The following CCDC63 variants were observed in gnomAD, a reference collection of about 807,000 sequenced individuals.
CCDC63 encodes the protein coiled-coil domain containing 63, also known as coiled-coil domain-containing protein 63.
A neutral mutation model predicts 63.6 loss-of-function variants in CCDC63; 54 were observed. That is an observed-to-expected ratio of 0.85 (90% CI 0.68 to 1.07). CCDC63 has a LOEUF of 1.07. Ranked by LOEUF, CCDC63 falls within the 50% of genes least tolerant of loss-of-function variation. CCDC63 has a pLI of 0.00. For missense variants in CCDC63, 637 were observed against 689.6 expected (o/e 0.92, Z 0.86); for synonymous variants, 253 against 266.1 (o/e 0.95, Z 0.48).
chr12:110,885,600 G>A (rs191259539), intron 8 of CCDC63, among the ~76,000 whole-genome samples: 13 of 151,890 alleles, frequency 8.6e-5, no homozygotes, highest in Middle Eastern at 3.4e-3. Context: ...ATTTCCCTCC[G>A]CCACTGCCTT....
chr12:110,898,909 G>A (rs749141071), intron 9 of CCDC63, 24 bp from the exon 10 acceptor site: 3 of 1,554,162 alleles, frequency 1.9e-6, no homozygotes, highest in Non-Finnish European at 2.6e-6. Flanking sequence ...TCCTGAGCAG[G>A]TGGGAATTGG....
At chr12:110,884,279 TG>T in intron 8 of CCDC63, 29 bp downstream of exon 8, 1 of 1,573,966 alleles carries the variant, frequency 6.4e-7, no homozygotes, top group Non-Finnish European at 8.7e-7. Flanking sequence ...TCCCAGGCCC[TG>T]GGCCCCTGTG....
At chr12:110,884,277 C>T in intron 8 of CCDC63, 27 bp downstream of exon 8, 1 of 1,583,110 alleles carries the variant, frequency 6.3e-7, no homozygotes, top group East Asian at 2.2e-5. Flanking sequence ...TTTCCCAGGC[C>T]CTGGGCCCCT....
chr12:110,895,474 T>C (rs897818641), intron 9 of CCDC63, among the ~76,000 whole-genome samples: 1 of 152,208 alleles, frequency 6.6e-6, no homozygotes, highest in Non-Finnish European at 1.5e-5. Context: ...TAAAGATCAC[T>C]TCCACCTGCT....
chr12:110,875,154 G>A (rs1400694828), intron 5 of CCDC63, among the ~76,000 whole-genome samples: 1 of 152,160 alleles, frequency 6.6e-6, no homozygotes, highest in Non-Finnish European at 1.5e-5. Context: ...ACTGGGCAGT[G>A]TCTTTTTAAT....
At chr12:110,885,820 A>G (rs948389026) in intron 8 of CCDC63, among the ~76,000 whole-genome samples, 5 of 152,224 alleles carry the variant, frequency 3.3e-5, no homozygotes, top group Admixed American at 2.6e-4. Context: ...GGCCATGTGC[A>G]AACAGATTGC....
chr12:110,879,664 A>G (rs963722868), intron 5 of CCDC63, among the ~76,000 whole-genome samples: 8 of 152,138 alleles, frequency 5.3e-5, no homozygotes, highest in South Asian at 4.1e-4. Context: ...ACTTAGGTCT[A>G]AAAGTAGTTG....
intron 5 of CCDC63, among the ~76,000 whole-genome samples, 200 bp from the exon 6 acceptor site, chr12:110,879,706 C>A (rs982629381): frequency 2.0e-5 from 3 of 152,048 alleles, no homozygotes; most frequent in Non-Finnish European, 4.4e-5. Context: ...AAAAAGGATC[C>A]ACTAAAGGGC....
In CCDC63 at chr12:110,853,458, G is replaced by C; in HGVS notation, c.63G>C (p.Lys21Asn). 3 of 1,614,116 alleles carry C rather than the reference G, an allele frequency of 1.9e-6. No homozygotes were observed. Among genetic ancestry groups the C allele is most frequent in the Non-Finnish European group, 2.5e-6 (3 of 1,180,012 alleles). The change falls in exon 3 of 12, where the codon AAG becomes AAC. Residue 21 changes from lysine to asparagine, a missense_variant. Physicochemically the swap from Lys to Asn is moderately conservative, Grantham distance 94. Coordinates refer to ENST00000308208, the MANE Select transcript of CCDC63 (RefSeq NM_152591.3). ...DSDTPQEPSE[K>N]AKEQQAEAEL... ...ACACTCCCCAGGAACCTTCGGAGAA[G>C]GCCAAAGAGCAGCAGGCGGAGGCAG... is the stretch of plus-strand genomic sequence containing the variant.
intron 1 of CCDC63, among the ~76,000 whole-genome samples, chr12:110,847,766 C>G (rs1241195414): frequency 6.6e-6 from 1 of 152,236 alleles, no homozygotes; most frequent in Non-Finnish European, 1.5e-5. Context: ...ATATGATCCA[C>G]ATAGCTGCCT....
Position 110,900,803 on chromosome 12 carries a change from T to A in CCDC63, c.1342+1678T>A, listed in dbSNP as rs576386062. On this transcript the variant is annotated intron_variant, in intron 10 of 11. Transcript: ENST00000308208. The stretch of plus-strand genomic sequence containing the variant: ...TTAGTAGAGATGGGGTTTCACCATG[T>A]TGGCCAGGATGGTCTCGATCTCCTG... Among the ~76,000 whole-genome samples, 311 of 152,286 alleles carry A rather than the reference T, an allele frequency of 2.0e-3. 2 individuals carry two copies. Among genetic ancestry groups the A allele is most frequent in the African/African-American group, 7.0e-3 (291 of 41,560 alleles).
intron 8 of CCDC63, among the ~76,000 whole-genome samples, chr12:110,892,801 G>A (rs1341677214): frequency 1.4e-5 from 2 of 148,062 alleles, no homozygotes; most frequent in Non-Finnish European, 3.0e-5. Context: ...CCTAGGCATC[G>A]CAGCGAGACT....
At chr12:110,852,324 C>T (rs980077093) in intron 1 of CCDC63, among the ~76,000 whole-genome samples, 1 of 152,044 alleles carries the variant, frequency 6.6e-6, no homozygotes, top group South Asian at 2.1e-4. Flanking sequence ...GGCGCGATCT[C>T]GGCTCACTCA....
intron 10 of CCDC63, among the ~76,000 whole-genome samples, chr12:110,900,965 C>A (rs1010948401): frequency 1.4e-4 from 22 of 152,174 alleles, no homozygotes; most frequent in African/African-American, 4.6e-4. Context: ...CTCCTGGCCA[C>A]ATTCAGTGAT....
chr12:110,873,745 A>G (rs900733938), intron 4 of CCDC63, 97 bp from the exon 5 acceptor site: 113 of 1,470,276 alleles, frequency 7.7e-5, no homozygotes, highest in Non-Finnish European at 1.0e-4. Context: ...GTACCCATAC[A>G]GATGCTATCT....
chr12:110,899,205 A>T (rs540524359), intron 10 of CCDC63, 80 bp downstream of exon 10: 35 of 1,309,538 alleles, frequency 2.7e-5, no homozygotes, highest in Non-Finnish European at 7.3e-6. Flanking sequence ...CCTTGCTCTT[A>T]TGGAGTAGTG....
At chr12:110,904,414 C>T (rs1164322113) in intron 10 of CCDC63, among the ~76,000 whole-genome samples, 174 bp from the exon 11 acceptor site, 1 of 151,982 alleles carries the variant, frequency 6.6e-6, no homozygotes, top group Admixed American at 6.6e-5. Context: ...TGATGTTGTC[C>T]TGTTGAGAAT....
chr12:110,906,992 G>T (rs1004222358), intron 11 of CCDC63, among the ~76,000 whole-genome samples: 6 of 152,172 alleles, frequency 3.9e-5, no homozygotes, highest in Non-Finnish European at 8.8e-5. Flanking sequence ...CCCCTTCTGG[G>T]TAGCTATGGC....
intron 5 of CCDC63, among the ~76,000 whole-genome samples, chr12:110,874,179 C>A (rs1008594353): frequency 2.6e-5 from 4 of 151,784 alleles, no homozygotes; most frequent in African/African-American, 9.7e-5. Context: ...AATCCCCCAA[C>A]CTATCTGGGA....
Sources: allele counts gnomAD v4.1 joint callset (sites outside exome capture counted in the v4.1 genomes callset), GRCh38; gene constraint gnomAD v4.1.1; transcripts MANE v1.5; gene names NCBI Gene and HGNC (gene_info 2026-07-23, HGNC 2026-07-21).